STAB2: variants seen among roughly 807,000 people sequenced by gnomAD.
The protein encoded by STAB2 is stabilin 2, also known as stabilin-2.
In STAB2, 288 loss-of-function variants were observed where a neutral mutation model predicts 338.1. The ratio of observed to expected loss-of-function variants is 0.85; its 90% CI spans 0.77 to 0.94. The LOEUF is 0.94. Ranked by LOEUF, STAB2 falls within the 40% of genes least tolerant of loss-of-function variation. The pLI, the probability that STAB2 is intolerant of heterozygous loss-of-function variation, is 0.00. For missense variants in STAB2, 3,141 were observed against 3,210.1 expected (o/e 0.98, Z 0.52); for synonymous variants, 1,202 against 1,193.3 (o/e 1.01, Z -0.15).
chr12:103,647,121 C>T (rs963738099), intron 9 of STAB2, among the ~76,000 whole-genome samples: 1 of 152,196 alleles, frequency 6.6e-6, no homozygotes, highest in African/African-American at 2.4e-5. Context: ...GGGTTTTAAG[C>T]ACACAGGTGC....
intron 3 of STAB2, among the ~76,000 whole-genome samples, chr12:103,603,696 A>C (rs1956987137): frequency 6.7e-6 from 1 of 148,964 alleles, no homozygotes; most frequent in African/African-American, 2.4e-5. Context: ...TTATTCTAGT[A>C]CCTTTGCTTT....
chr12:103,753,465 G>T, intron 61 of STAB2, 112 bp downstream of exon 61: 1 of 1,424,688 alleles, frequency 7.0e-7, no homozygotes, highest in Admixed American at 1.9e-5. Context: ...AGGGAGTGCA[G>T]GTAGCTCCTG....
chr12:103,619,323 C>T (rs1957260745), intron 3 of STAB2, among the ~76,000 whole-genome samples: 1 of 152,104 alleles, frequency 6.6e-6, no homozygotes, highest in African/African-American at 2.4e-5. Flanking sequence ...AGTCAGAGCT[C>T]ATCCATATTG....
Position 103,668,737 on chromosome 12 carries a change from G to T in STAB2, c.2172+8G>T. On this transcript the variant is annotated splice_region_variant and intron_variant, in intron 20 of 68. Transcript: ENST00000388887. ...TGCAATGCCACTGTGAAGGTGAGGAGCGCGTGGCCGAGGCCCAGTCTAGGC... is the reference window on the plus strand; with the variant it reads ...TGCAATGCCACTGTGAAGGTGAGGATCGCGTGGCCGAGGCCCAGTCTAGGC... The T allele has an allele frequency of 6.5e-7, 1 of 1,537,662 alleles. No individual in the cohort carries two copies.
chr12:103,737,821 C>G lies in STAB2; in HGVS notation c.5697+41C>G, dbSNP rs765735592. 3.1e-6 allele frequency: 5 copies of G among 1,610,592 alleles called. No homozygotes were observed. The Admixed American group carries it at 5.0e-5, about 16-fold the overall frequency. On this transcript the variant is annotated intron_variant, in intron 53 of 68. Coordinates refer to ENST00000388887, the MANE Select transcript of STAB2 (RefSeq NM_017564.10). ...AACAGTGTAGTAAGAGAACCTTAAG[C>G]CAAAGAATGGCCCTCATGATCCAGT... is the stretch of plus-strand genomic sequence containing the variant.
At chr12:103,686,969 C>G (rs1877491575) in intron 27 of STAB2, among the ~76,000 whole-genome samples, 1 of 152,218 alleles carries the variant, frequency 6.6e-6, no homozygotes, top group South Asian at 2.1e-4. Context: ...TCAGGCATCT[C>G]TGCTCTTGTG....
intron 1 of STAB2, among the ~76,000 whole-genome samples, chr12:103,589,441 C>A (rs1378116423): frequency 6.6e-6 from 1 of 152,134 alleles, no homozygotes; most frequent in East Asian, 1.9e-4. Flanking sequence ...CCAGGAAATG[C>A]CTGGATTAGA....
rs1437461048 is a variant in STAB2, at chr12:103,693,052, A to G, written c.3375+163A>G. 3.3e-5 allele frequency among the ~76,000 whole-genome samples: 5 copies of G among 152,104 alleles called. No individual in the cohort carries two copies. In the East Asian group the frequency reaches 7.7e-4, roughly 23 times the overall value. On this transcript the variant is annotated intron_variant, in intron 31 of 68. Coordinates refer to ENST00000388887, the MANE Select transcript of STAB2 (RefSeq NM_017564.10). The stretch of plus-strand genomic sequence containing the variant: ...TATTTTAAAACCATCAAGAGAGTCT[A>G]TTGATTCAATGAGACTCAGTTTCCA...
chr12:103,644,810 T>C (rs748729544), intron 9 of STAB2, among the ~76,000 whole-genome samples: 39 of 152,186 alleles, frequency 2.6e-4, no homozygotes, highest in Non-Finnish European at 4.4e-4. Flanking sequence ...AAGAGTATAA[T>C]TGGGTTGTTT....
At chr12:103,746,974 G>C (rs1171114745) in intron 58 of STAB2, among the ~76,000 whole-genome samples, 1 of 109,376 alleles carries the variant, frequency 9.1e-6, no homozygotes, top group Non-Finnish European at 1.8e-5. Context: ...TTTTTTTTCC[G>C]AGATGGACTT....
chr12:103,751,545 T>C (rs1416890855), intron 60 of STAB2, among the ~76,000 whole-genome samples: 5 of 152,112 alleles, frequency 3.3e-5, no homozygotes, highest in Non-Finnish European at 7.4e-5. Flanking sequence ...GTTGGGGATA[T>C]TCTATGGTCT....
chr12:103,595,969 G>A lies in STAB2; in HGVS notation c.331+1459G>A, dbSNP rs553850866. On this transcript the variant is annotated intron_variant, in intron 3 of 68. Coordinates refer to ENST00000388887, the MANE Select transcript of STAB2 (RefSeq NM_017564.10). Reference sequence around the variant, plus strand: ...TTGCCCTGGAAAGGTCAAGGTTTGGGGTTCAAGAGATCCTGCCGCTTCTGT... The same window carrying A: ...TTGCCCTGGAAAGGTCAAGGTTTGGAGTTCAAGAGATCCTGCCGCTTCTGT... 5.3e-5 allele frequency among the ~76,000 whole-genome samples: 8 copies of A among 152,276 alleles called. No homozygotes were observed. In the East Asian group the frequency reaches 1.5e-3, roughly 29 times the overall value.
intron 51 of STAB2, among the ~76,000 whole-genome samples, chr12:103,734,797 G>T (rs1478529177): frequency 6.6e-6 from 1 of 152,112 alleles, no homozygotes; most frequent in African/African-American, 2.4e-5. Flanking sequence ...GAGCTGGCAA[G>T]GTTGTTCCTT....
intron 19 of STAB2, 77 bp from the exon 20 acceptor site, chr12:103,668,566 T>C: frequency 7.8e-7 from 1 of 1,276,280 alleles, no homozygotes; most frequent in Non-Finnish European, 1.1e-6. Flanking sequence ...CAATGGCAAG[T>C]GTCTGCAGAG....
rs149196232 is a variant in STAB2, at chr12:103,750,615, G to C, written c.6475G>C (p.Gly2159Arg). 1 of 1,614,190 alleles carries C rather than the reference G, an allele frequency of 6.2e-7. No individual in the cohort carries two copies. The highest frequency in any genetic ancestry group is 1.7e-5 in the Admixed American group (1 of 60,028). The change falls in exon 60 of 69, where the codon GGA becomes CGA. Residue 2159 changes from glycine to arginine, a missense_variant. Transcript: ENST00000388887. ...HKCECKSHYVGDGLNCEPEQL... is the reference protein window; with the variant it reads ...HKCECKSHYVRDGLNCEPEQL... ...GTGTGAGTGTAAAAGTCACTATGTC[G>C]GAGATGGGCTGAACTGTGAGCCGGA... is the stretch of plus-strand genomic sequence containing the variant.
At chr12:103,589,416 G>C (rs1185725185) in intron 1 of STAB2, among the ~76,000 whole-genome samples, 1 of 152,188 alleles carries the variant, frequency 6.6e-6, no homozygotes, top group East Asian at 1.9e-4. Context: ...TGATTGGCAG[G>C]TCCTTTCTGC....
intron 3 of STAB2, among the ~76,000 whole-genome samples, chr12:103,612,661 C>A (rs1170942232): frequency 1.3e-5 from 2 of 152,126 alleles, no homozygotes; most frequent in Admixed American, 6.6e-5. Context: ...GAAGTTTGAT[C>A]ATCTGAAGTC....
At chr12:103,716,005 T>C in intron 43 of STAB2, 117 bp downstream of exon 43, 5 of 1,101,342 alleles carry the variant, frequency 4.5e-6, no homozygotes, top group Non-Finnish European at 6.5e-6. Context: ...CAGCTGAAAA[T>C]AAATACTTTA....
chr12:103,733,958 C>G (rs572455531), intron 51 of STAB2, among the ~76,000 whole-genome samples: 2 of 138,246 alleles, frequency 1.4e-5, no homozygotes, highest in South Asian at 4.7e-4. Context: ...GGAGCAAGCA[C>G]GATCATAGGG....
Sources: allele counts gnomAD v4.1 joint callset (sites outside exome capture counted in the v4.1 genomes callset), GRCh38; gene constraint gnomAD v4.1.1; transcripts MANE v1.5; gene names NCBI Gene and HGNC (gene_info 2026-07-23, HGNC 2026-07-21).